Variants in HDAC9 observed in about 807,000 individuals in gnomAD.
The protein encoded by HDAC9 is histone deacetylase 9, also known as MEF-2 interacting transcription repressor (MITR) protein.
Under a neutral mutation model 139.4 loss-of-function variants are expected in HDAC9, and 41 were observed. That is an observed-to-expected ratio of 0.29 (90% CI 0.23 to 0.38). HDAC9 has a LOEUF of 0.38. Ranked by LOEUF, HDAC9 falls within the 10% of genes least tolerant of loss-of-function variation. The pLI, the probability that HDAC9 is intolerant of heterozygous loss-of-function variation, is 1.00. For synonymous variants in HDAC9, 517 were observed against 476.2 expected (o/e 1.09, Z -1.12); for missense variants, 1,147 against 1,297.0 (o/e 0.88, Z 1.78).
intron 17 of HDAC9, among the ~76,000 whole-genome samples, chr7:18,820,097 T>A (rs543142873): frequency 6.6e-6 from 1 of 152,174 alleles, no homozygotes; most frequent in Non-Finnish European, 1.5e-5. Flanking sequence ...CAGATTTGTT[T>A]TCATAAAATG....
In HDAC9 at chr7:18,911,500, G is replaced by GTC. The variant is rs1226589281; in HGVS notation, c.2804-24305_2804-24304dup. On this transcript the variant is annotated intron_variant, in intron 22 of 25. Transcript: ENST00000686413. ...TTTTGTTCATCTTTTGTATTTTTTG[G>GTC]TCTCTATTTTGTTCATTTCTTCTCT... Among the ~76,000 whole-genome samples, 3 of 150,550 alleles carry GTC rather than the reference G, an allele frequency of 2.0e-5. No homozygotes were observed. The East Asian group carries it at 5.8e-4, about 29-fold the overall frequency.
intron 1 of HDAC9, among the ~76,000 whole-genome samples, chr7:18,122,239 A>G (rs569319823): frequency 6.6e-6 from 1 of 152,322 alleles, no homozygotes; most frequent in Non-Finnish European, 1.5e-5. Context: ...TTACCAGTTG[A>G]ATAAACTCTG....
At chr7:18,733,725 T>C (rs1272795450) in intron 13 of HDAC9, among the ~76,000 whole-genome samples, 1 of 152,042 alleles carries the variant, frequency 6.6e-6, no homozygotes, top group Admixed American at 6.6e-5. Flanking sequence ...GGGTATGCTT[T>C]TTATACCTAA....
Position 18,384,757 on chromosome 7 carries a change from G to T in HDAC9, c.-42+94242G>T, listed in dbSNP as rs557437719. On this transcript the variant is annotated intron_variant, in intron 1 of 3. Coordinates refer to the HDAC9 transcript ENST00000413509. ...CTCTGCCCTGCTTGATGTCAGGATT[G>T]GGGAGAAAAAAGAAAAAAAAAAAAA... is the stretch of plus-strand genomic sequence containing the variant. Among the ~76,000 whole-genome samples the T allele has an allele frequency of 2.0e-5, 3 of 151,322 alleles. No homozygotes were observed. In the East Asian group the frequency reaches 5.8e-4, roughly 29 times the overall value.
chr7:18,529,061 C>A (rs1189433328), intron 2 of HDAC9, among the ~76,000 whole-genome samples: 1 of 152,102 alleles, frequency 6.6e-6, no homozygotes, highest in East Asian at 1.9e-4. Flanking sequence ...GGGTATTAAA[C>A]CTTTTTTCTT....
At chr7:18,209,060 A>G (rs1791749484) in intron 2 of HDAC9, among the ~76,000 whole-genome samples, 1 of 152,202 alleles carries the variant, frequency 6.6e-6, no homozygotes, top group African/African-American at 2.4e-5. Context: ...TTGTTTATTT[A>G]TTATGTCATT....
At chr7:18,284,067 T>C (rs1310681607) in intron 2 of HDAC9, among the ~76,000 whole-genome samples, 1 of 152,152 alleles carries the variant, frequency 6.6e-6, no homozygotes, top group Non-Finnish European at 1.5e-5. Context: ...GCTACCATAA[T>C]TTTGTGAATG....
At chr7:18,518,385 T>G (rs561688733) in intron 2 of HDAC9, among the ~76,000 whole-genome samples, 3 of 152,212 alleles carry the variant, frequency 2.0e-5, no homozygotes, top group Non-Finnish European at 4.4e-5. Flanking sequence ...TACATATGCA[T>G]TTTTGGGGAG....
intron 7 of HDAC9, among the ~76,000 whole-genome samples, chr7:18,631,287 G>A (rs1782251823): frequency 6.6e-6 from 1 of 152,102 alleles, no homozygotes; most frequent in Non-Finnish European, 1.5e-5. Context: ...TTGGAAGAGA[G>A]ACTTGTACAT....
At chr7:18,380,787 C>G (rs1337461050) in intron 1 of HDAC9, among the ~76,000 whole-genome samples, 4 of 152,274 alleles carry the variant, frequency 2.6e-5, no homozygotes, top group African/African-American at 7.2e-5. Flanking sequence ...GCTTTCTCAT[C>G]TAGGAGGAAA....
chr7:18,692,321 T>C (rs578103171), intron 12 of HDAC9, among the ~76,000 whole-genome samples: 1 of 152,206 alleles, frequency 6.6e-6, no homozygotes, highest in Non-Finnish European at 1.5e-5. Flanking sequence ...TTTAGCAAAC[T>C]GGTGGCTCTG....
At chr7:18,536,626 T>C (rs578118009) in intron 2 of HDAC9, among the ~76,000 whole-genome samples, 3 of 152,318 alleles carry the variant, frequency 2.0e-5, no homozygotes, top group Non-Finnish European at 2.9e-5. Flanking sequence ...ATGGTTCCAG[T>C]GTTTGACCTT....
chr7:18,977,940 A>T, intron 25 of HDAC9, among the ~76,000 whole-genome samples: 1 of 151,164 alleles, frequency 6.6e-6, no homozygotes. Flanking sequence ...ACACACACAC[A>T]CACACACACA....
chr7:18,989,304 A>G (rs1444507453), intron 25 of HDAC9, among the ~76,000 whole-genome samples: 1 of 151,148 alleles, frequency 6.6e-6, no homozygotes, highest in African/African-American at 2.4e-5. Context: ...AAAGTATTTA[A>G]TTTCTCCTTC....
chr7:18,409,653 G>T (rs755359113), intron 1 of HDAC9, among the ~76,000 whole-genome samples: 1 of 152,086 alleles, frequency 6.6e-6, no homozygotes, highest in Non-Finnish European at 1.5e-5. Flanking sequence ...TTAATAGATG[G>T]TATGTTTCCT....
chr7:18,849,063 A>G (rs886289331), intron 21 of HDAC9, among the ~76,000 whole-genome samples: 3 of 152,234 alleles, frequency 2.0e-5, no homozygotes, highest in African/African-American at 7.2e-5. Context: ...TCTGATAGAT[A>G]TAAGTAGCAA....
intron 12 of HDAC9, among the ~76,000 whole-genome samples, chr7:18,681,813 G>C (rs550710797): frequency 6.6e-6 from 1 of 152,034 alleles, no homozygotes; most frequent in South Asian, 2.1e-4. Context: ...CCAAGATATC[G>C]CCCCACCCTC....
At chr7:18,272,263 C>G (rs781632394) in intron 2 of HDAC9, among the ~76,000 whole-genome samples, 1 of 152,066 alleles carries the variant, frequency 6.6e-6, no homozygotes, top group South Asian at 2.1e-4. Flanking sequence ...TTGAAAGCAG[C>G]GCATCATTCA....
intron 2 of HDAC9, among the ~76,000 whole-genome samples, chr7:18,548,295 T>C (rs1243301143): frequency 6.6e-6 from 1 of 152,122 alleles, no homozygotes; most frequent in Non-Finnish European, 1.5e-5. Context: ...CAAAGATCAC[T>C]GATTACAGAT....
Sources: gnomAD v4.1 joint callset for allele counts (sites outside exome capture counted in the v4.1 genomes callset) on GRCh38, gnomAD v4.1.1 for gene constraint, MANE v1.5 for transcripts, NCBI Gene and HGNC (gene_info 2026-07-23, HGNC 2026-07-21) for gene names.